GRM7: variants seen among roughly 807,000 people sequenced by gnomAD.
The protein encoded by GRM7 is glutamate metabotropic receptor 7.
GRM7 carries 35 observed loss-of-function variants against 84.5 expected under a neutral mutation model. That is an observed-to-expected ratio of 0.41 (90% CI 0.32 to 0.55). The LOEUF (loss-of-function observed/expected upper bound fraction) is 0.55, where lower values mean the gene tolerates loss of function less well. Ranked by LOEUF, GRM7 falls within the 20% of genes least tolerant of loss-of-function variation. The pLI is 0.19. For missense variants in GRM7, 1,003 were observed against 1,194.6 expected (o/e 0.84, Z 2.36); for synonymous variants, 487 against 455.1 (o/e 1.07, Z -0.89).
At chr3:7,675,617 T>C (rs1283297800) in intron 8 of GRM7, among the ~76,000 whole-genome samples, 1 of 152,244 alleles carries the variant, frequency 6.6e-6, no homozygotes, top group Non-Finnish European at 1.5e-5. Context: ...TGGCATTGAA[T>C]TCACCACATA....
At chr3:7,104,087 G>T (rs953859628) in intron 1 of GRM7, among the ~76,000 whole-genome samples, 1 of 151,214 alleles carries the variant, frequency 6.6e-6, no homozygotes, top group Admixed American at 6.6e-5. Flanking sequence ...AGGTCATGAG[G>T]GTAGTCGTCT....
At position 6,952,721 on chromosome 3, in the gene GRM7, T is replaced by C. The variant is rs561884753; in HGVS notation, c.519+90814T>C. Among the ~76,000 whole-genome samples the C allele has an allele frequency of 3.9e-5, 6 of 152,342 alleles. No homozygotes were observed. In the South Asian group the frequency reaches 1.2e-3, roughly 32 times the overall value. ...TTGCTTATTGTTTTGCTTTTTGTTT[T>C]GTTTTGTTTTTGAGCGTTTCAGGTA... On this transcript the variant is annotated intron_variant, in intron 1 of 9. Transcript: ENST00000357716.
intron 2 of GRM7, among the ~76,000 whole-genome samples, chr3:7,246,684 A>G (rs1344072754): frequency 1.3e-5 from 2 of 152,126 alleles, no homozygotes; most frequent in Non-Finnish European, 2.9e-5. Context: ...AGACGTGAAT[A>G]GACCTAAGAA....
In GRM7 at chr3:7,037,823, G is replaced by A. The variant is rs532381634; in HGVS notation, c.520-108629G>A. ...TTCATAAAATAAAAGGAAAGAGAGA[G>A]TAGTCATAGAAACCACAAAGGGGAA... On this transcript the variant is annotated intron_variant, in intron 1 of 9. Transcript: ENST00000357716. Among the ~76,000 whole-genome samples the A allele has an allele frequency of 4.6e-4, 70 of 152,258 alleles. 1 individual carries two copies. The South Asian group carries it at 0.014, about 31-fold the overall frequency.
At chr3:7,465,352 G>A (rs190621610) in intron 7 of GRM7, among the ~76,000 whole-genome samples, 34 of 152,202 alleles carry the variant, frequency 2.2e-4, no homozygotes, top group Admixed American at 1.7e-3. Context: ...CTGAGATAAC[G>A]GGACTTGGTA....
chr3:7,338,983 A>C (rs17031858), intron 4 of GRM7, among the ~76,000 whole-genome samples: 5,928 of 152,030 alleles, frequency 0.039, 245 homozygotes, highest in African/African-American at 0.1. Flanking sequence ...ACCTGACAAT[A>C]TCACCTTTTC....
At chr3:7,240,383 A>T (rs1270311156) in intron 2 of GRM7, among the ~76,000 whole-genome samples, 2 of 151,844 alleles carry the variant, frequency 1.3e-5, no homozygotes, top group Non-Finnish European at 2.9e-5. Context: ...TTTAAAATAC[A>T]CCAAATAAAC....
At chr3:7,507,316 G>A (rs977454894) in intron 7 of GRM7, among the ~76,000 whole-genome samples, 1 of 152,242 alleles carries the variant, frequency 6.6e-6, no homozygotes, top group Non-Finnish European at 1.5e-5. Flanking sequence ...CACAGCTACT[G>A]GGACAAGCAA....
intron 7 of GRM7, among the ~76,000 whole-genome samples, chr3:7,506,636 C>T (rs933894796): frequency 1.3e-5 from 2 of 152,178 alleles, no homozygotes; most frequent in South Asian, 2.1e-4. Flanking sequence ...TCTAAGAACA[C>T]GGTGCCTGTA....
intron 7 of GRM7, among the ~76,000 whole-genome samples, chr3:7,511,727 C>T (rs1183997801): frequency 6.6e-6 from 1 of 152,254 alleles, no homozygotes; most frequent in Admixed American, 6.5e-5. Context: ...CTCAATGAGA[C>T]CACAAAGGCA....
chr3:7,517,002 C>T lies in GRM7; in HGVS notation c.1515+55280C>T, dbSNP rs993469061. Reference sequence around the variant, plus strand: ...TGGACAGTCAGTCTCTCTGCTGCCCCGCTCCCCTCAGCACACTTGATCTTT... The same window carrying T: ...TGGACAGTCAGTCTCTCTGCTGCCCTGCTCCCCTCAGCACACTTGATCTTT... On this transcript the variant is annotated intron_variant, in intron 7 of 9. Transcript: ENST00000357716. 2.9e-4 allele frequency among the ~76,000 whole-genome samples: 44 copies of T among 152,196 alleles called. 1 individual carries two copies. The South Asian group carries it at 6.2e-3, about 22-fold the overall frequency.
chr3:7,685,033 G>A (rs1009198370), intron 9 of GRM7, among the ~76,000 whole-genome samples: 1 of 152,158 alleles, frequency 6.6e-6, no homozygotes, highest in African/African-American at 2.4e-5. Flanking sequence ...ATGTTTCCCT[G>A]TACTTTCTAC....
intron 1 of GRM7, among the ~76,000 whole-genome samples, chr3:6,897,393 C>A (rs987825911): frequency 2.6e-5 from 4 of 152,174 alleles, no homozygotes; most frequent in African/African-American, 9.7e-5. Flanking sequence ...CAGGTGACTT[C>A]AATGCCTACT....
chr3:7,558,524 G>A, intron 7 of GRM7, among the ~76,000 whole-genome samples: 1 of 152,006 alleles, frequency 6.6e-6, no homozygotes, highest in Non-Finnish European at 1.5e-5. Flanking sequence ...GTGAGGGAAG[G>A]GAACAAAATA....
chr3:7,532,803 C>CAAAA (rs36040168), intron 7 of GRM7, among the ~76,000 whole-genome samples: 34 of 70,640 alleles, frequency 4.8e-4, no homozygotes, highest in African/African-American at 8.6e-4. Context: ...AAAGGGAAAG[C>CAAAA]AAAAAAAAAA....
intron 1 of GRM7, among the ~76,000 whole-genome samples, chr3:7,055,666 G>A (rs544531961): frequency 7.3e-5 from 11 of 151,582 alleles, no homozygotes; most frequent in East Asian, 2.0e-4. Flanking sequence ...GATTACAGGC[G>A]TGCACCACCA....
At chr3:7,426,630 G>A (rs573668382) in intron 5 of GRM7, among the ~76,000 whole-genome samples, 56 of 152,218 alleles carry the variant, frequency 3.7e-4, no homozygotes, top group African/African-American at 1.3e-3. Flanking sequence ...GTCCTTCTGA[G>A]AGACACTTGC....
rs566420476 is a variant in GRM7 at position 7,719,673 on chromosome 3, G to A, written c.2699-20684G>A. ...TAAAAGTGCAAAAAATTAGCCTGGCGTGGTGGCAGGCACATGTAGTCCCAG... is the reference window on the plus strand; with the variant it reads ...TAAAAGTGCAAAAAATTAGCCTGGCATGGTGGCAGGCACATGTAGTCCCAG... On this transcript the variant is annotated intron_variant, in intron 9 of 9. Coordinates refer to ENST00000357716, the MANE Select transcript of GRM7 (RefSeq NM_000844.4). Among the ~76,000 whole-genome samples the A allele has an allele frequency of 7.9e-5, 12 of 152,046 alleles. No individual in the cohort carries two copies. In the South Asian group the frequency reaches 1.7e-3, roughly 21 times the overall value.
intron 1 of GRM7, among the ~76,000 whole-genome samples, chr3:6,969,268 T>C (rs1382420794): frequency 6.6e-6 from 1 of 152,186 alleles, no homozygotes; most frequent in East Asian, 1.9e-4. Context: ...CTGACTAATA[T>C]AGGTCATTTT....
Sources: gnomAD v4.1 joint callset for allele counts (sites outside exome capture counted in the v4.1 genomes callset) on GRCh38, gnomAD v4.1.1 for gene constraint, MANE v1.5 for transcripts, NCBI Gene and HGNC (gene_info 2026-07-23, HGNC 2026-07-21) for gene names.